The following GART variants were observed in gnomAD, a reference collection of about 807,000 sequenced individuals.
The protein encoded by GART is phosphoribosylglycinamide formyltransferase, phosphoribosylglycinamide synthetase, phosphoribosylaminoimidazole synthetase.
In GART, 43 loss-of-function variants were observed where a neutral mutation model predicts 107.2. That is an observed-to-expected ratio of 0.40 (90% confidence interval 0.31 to 0.52). The LOEUF is 0.52. Ranked by LOEUF, GART falls within the 20% of genes least tolerant of loss-of-function variation. The pLI is 0.52. For missense variants in GART, 1,107 were observed against 1,206.5 expected, an observed-to-expected ratio of 0.92 and a Z score of 1.22; for synonymous variants, 434 against 427.0, an observed-to-expected ratio of 1.02 and a Z score of -0.20.
Position 33,504,155 on chromosome 21 carries a change from T to C in GART, c.3002A>G (p.Asn1001Ser). Residue 1001 changes from asparagine to serine, a missense_variant, in exon 22 of 22, where the codon AAT becomes AGT. By Grantham distance (46) the Asn-to-Ser change is conservative (BLOSUM62 1). Coordinates refer to ENST00000381815, the MANE Select transcript of GART (RefSeq NM_000819.5). The part of the protein sequence containing the change: ...VASGTVQLGE[N>S]GKICWVKEE ...CTCTTTAACCCAACAGATCTTGCCA[T>C]TTTCTCCAAGCTGTACAGTTCCACT... 4 of 1,613,602 alleles carry C rather than the reference T, an allele frequency of 2.5e-6. No individual in the cohort carries two copies. The highest frequency in any genetic ancestry group is 2.5e-6 in the Non-Finnish European group (3 of 1,179,730).
At chr21:33,542,708 CTCT>C, upstream of GART, 1 of 192,012 alleles carries the variant, frequency 5.2e-6, no homozygotes, top group Non-Finnish European at 1.1e-5. Context: ...GCCCTTCTTG[CTCT>C]TCTTCCTCTT....
chr21:33,515,522 C>T (rs1012546048), intron 16 of GART, among the ~76,000 whole-genome samples: 15 of 151,946 alleles, frequency 9.9e-5, no homozygotes, highest in Non-Finnish European at 1.2e-4. Flanking sequence ...CACCTGTAGT[C>T]CCAGCTACTT....
At chr21:33,505,013 G>A (rs1273241543) in intron 20 of GART, among the ~76,000 whole-genome samples, 1 of 152,188 alleles carries the variant, frequency 6.6e-6, no homozygotes, top group African/African-American at 2.4e-5. Context: ...TCTTTGGAGG[G>A]AAAATGCATT....
At position 33,520,916 on chromosome 21, in the gene GART, G is replaced by A; in HGVS notation, c.1493C>T (p.Thr498Ile). Residue 498 changes from threonine to isoleucine, a missense_variant, in exon 13 of 22, where the codon ACT becomes ATT. Coordinates refer to ENST00000381815, the MANE Select transcript of GART (RefSeq NM_000819.5). ...LLASGTDGVG[T>I]KLKIAQLCNK... ...AAGGTGTCTGATTACCTTTAGTTTAGTTCCAACGCCATCTGTTCCAGAGGC... is the reference window on the plus strand; with the variant it reads ...AAGGTGTCTGATTACCTTTAGTTTAATTCCAACGCCATCTGTTCCAGAGGC... The A allele has an allele frequency of 6.2e-7, 1 of 1,611,304 alleles. No homozygotes were observed.
intron 16 of GART, among the ~76,000 whole-genome samples, chr21:33,515,595 G>A (rs1277072784): frequency 7.1e-6 from 1 of 140,544 alleles, no homozygotes; most frequent in Non-Finnish European, 1.5e-5. Flanking sequence ...AGCTGCGATT[G>A]CGCCACTGCA....
chr21:33,531,446 G>T, intron 6 of GART, 43 bp downstream of exon 6: 1 of 1,556,454 alleles, frequency 6.4e-7, no homozygotes. Context: ...TCAGATGACA[G>T]CTTCTTATAC....
At chr21:33,510,774 T>C (rs933320114) in intron 17 of GART, among the ~76,000 whole-genome samples, 2 of 152,162 alleles carry the variant, frequency 1.3e-5, no homozygotes, top group African/African-American at 4.8e-5. Flanking sequence ...TTTTTTTTTC[T>C]ATTTTTTATT....
At position 33,535,234 on chromosome 21, in the gene GART, G is replaced by C; in HGVS notation, c.232C>G (p.Leu78Val). ...CAGAAACAAACTTTACCAGCAGCCA[G>C]AGGTGCTTCTGGTCCAACAACTACA... ...EFVVVGPEAPLAAGIVGNLRS... is the reference protein window; with the variant it reads ...EFVVVGPEAPVAAGIVGNLRS... Residue 78 changes from leucine (L) to valine (V), a missense_variant, in exon 3 of 22, where the codon CTG becomes GTG. Coordinates refer to ENST00000381815, the MANE Select transcript of GART (RefSeq NM_000819.5). 6.4e-7 allele frequency: 1 copy of C among 1,553,582 alleles called. No homozygotes were observed. The highest frequency in any genetic ancestry group is 8.7e-7 in the Non-Finnish European group (1 of 1,148,800).
intron 1 of GART, among the ~76,000 whole-genome samples, chr21:33,540,137 G>A (rs919900343): frequency 1.3e-5 from 2 of 152,122 alleles, no homozygotes; most frequent in Admixed American, 6.5e-5. Context: ...AAAACTACTC[G>A]ACTCGGCCAC....
intron 14 of GART, 137 bp from the exon 15 acceptor site, chr21:33,517,745 A>G (rs1425663869): frequency 3.4e-6 from 3 of 881,298 alleles, no homozygotes; most frequent in Non-Finnish European, 5.1e-6. Context: ...GTACTCTACC[A>G]GCTGTCTAAC....
chr21:33,523,699 G>C (rs979717158), intron 11 of GART, among the ~76,000 whole-genome samples: 1 of 152,156 alleles, frequency 6.6e-6, no homozygotes, highest in Non-Finnish European at 1.5e-5. Context: ...GGGCACGGTG[G>C]CTCACGCCTG....
chr21:33,532,516 T>A, intron 4 of GART, 60 bp from the exon 5 acceptor site: 1 of 1,282,492 alleles, frequency 7.8e-7, no homozygotes, highest in Non-Finnish European at 1.1e-6. Context: ...GATTTTAAAA[T>A]GCTGTGGGAT....
chr21:33,509,718 A>G (rs529140615), intron 18 of GART, 65 bp downstream of exon 18: 3 of 1,538,446 alleles, frequency 2.0e-6, no homozygotes, highest in Non-Finnish European at 2.7e-6. Flanking sequence ...ACAATCTCAC[A>G]AGAGTGCGGG....
intron 16 of GART, among the ~76,000 whole-genome samples, chr21:33,513,605 CAT>C (rs2145693673): frequency 6.6e-6 from 1 of 152,058 alleles, no homozygotes; most frequent in South Asian, 2.1e-4. Flanking sequence ...AAATGAATCA[CAT>C]GTCTATGACT....
chr21:33,534,113 CATA>C (rs1195616669), intron 4 of GART, among the ~76,000 whole-genome samples: 1 of 152,224 alleles, frequency 6.6e-6, no homozygotes, highest in Non-Finnish European at 1.5e-5. Context: ...CGACAACCCA[CATA>C]ATATTTATTG....
Position 33,530,799 on chromosome 21 carries a change from G to A in GART, c.683C>T (p.Pro228Leu), listed in dbSNP as rs750133693. Residue 228 changes from proline to leucine, a missense_variant, in exon 7 of 22, where the codon CCT becomes CTT. By Grantham distance (98) the Pro-to-Leu change is moderately conservative. Transcript: ENST00000381815. ...HKRLLEGDGG[P>L]NTGGMGAYCP... ...ATAGGCTCCCATTCCCCCTGTGTTA[G>A]GGCCACCATCTCCCTCCAGTAATCG... 2 of 1,531,350 alleles carry A rather than the reference G, an allele frequency of 1.3e-6. No individual in the cohort carries two copies. Among genetic ancestry groups the A allele is most frequent in the African/African-American group, 1.4e-5 (1 of 69,588 alleles). 94.9% of individuals were successfully genotyped at this position (1,531,350 alleles called of 1,614,324 possible).
chr21:33,526,028 C>T lies in GART; in HGVS notation c.1067-1028G>A, dbSNP rs185750628. ...GGGACTACAGGTGCCCACCACCATG[C>T]CCGGCTAATTTTTTGTATTTTTAGT... On this transcript the variant is annotated intron_variant, in intron 10 of 21. Transcript: ENST00000381815. Among the ~76,000 whole-genome samples the T allele has an allele frequency of 3.6e-3, 541 of 151,578 alleles. 3 individuals are homozygous for T. The highest frequency in any genetic ancestry group is 0.012 in the African/African-American group (513 of 41,280).
At chr21:33,515,717 C>CT (rs1343184741) in intron 16 of GART, among the ~76,000 whole-genome samples, 1 of 150,606 alleles carries the variant, frequency 6.6e-6, no homozygotes, top group African/African-American at 2.4e-5. Flanking sequence ...AGGGAGGACT[C>CT]TGTCCCTCAC....
intron 10 of GART, 80 bp from the exon 11 acceptor site, chr21:33,525,080 G>C: frequency 7.0e-7 from 1 of 1,423,988 alleles, no homozygotes; most frequent in Admixed American, 3.0e-5. Context: ...ATTTCCACAA[G>C]TTTCTTTTTT....
Sources: gnomAD v4.1 joint callset for allele counts (sites outside exome capture counted in the v4.1 genomes callset) on GRCh38, gnomAD v4.1.1 for gene constraint, MANE v1.5 for transcripts, NCBI Gene and HGNC (gene_info 2026-07-23, HGNC 2026-07-21) for gene names.